TNRC6C: variants seen among roughly 807,000 people sequenced by gnomAD.
The protein encoded by TNRC6C is trinucleotide repeat containing adaptor 6C, also known as trinucleotide repeat-containing gene 6C protein.
In TNRC6C, 20 loss-of-function variants were observed where a neutral mutation model predicts 153.7. That is an observed-to-expected ratio of 0.13 (90% confidence interval 0.09 to 0.19). TNRC6C has a LOEUF of 0.19. Ranked by LOEUF, TNRC6C falls within the 10% of genes least tolerant of loss-of-function variation. The pLI, the probability that TNRC6C is intolerant of heterozygous loss-of-function variation, is 1.00. For synonymous variants in TNRC6C, 811 were observed against 841.4 expected, an observed-to-expected ratio of 0.96 and a Z score of 0.63; for missense variants, 1,987 against 2,172.0, an observed-to-expected ratio of 0.91 and a Z score of 1.69.
chr17:78,108,687 A>G, exon 20 of TNRC6C: 1 of 154,538 alleles, frequency 6.5e-6, no homozygotes, highest in Middle Eastern at 5.4e-4. Flanking sequence ...CCACGCAAAG[A>G]CCTCGTGGGC....
intron 14 of TNRC6C, among the ~76,000 whole-genome samples, chr17:78,091,914 C>T (rs1422700434): frequency 2.0e-5 from 3 of 152,090 alleles, no homozygotes; most frequent in Non-Finnish European, 4.4e-5. Flanking sequence ...AAACTTGAGT[C>T]TGCTGAAATG....
chr17:78,093,123 A>G (rs753490243), exon 15 of TNRC6C: 1 of 1,612,296 alleles, frequency 6.2e-7, no homozygotes, highest in Non-Finnish European at 8.5e-7. Context: ...ACTGGCCCCC[A>G]GGTAAGACCA....
In TNRC6C at chr17:78,104,404, C is replaced by A; in HGVS notation, c.4713-81C>A. 7.1e-7 allele frequency: 1 copy of A among 1,415,214 alleles called. No individual in the cohort carries two copies. The allele number at this position is 1,415,214 out of a possible 1,614,324, so 87.7% of individuals were successfully genotyped here. A position where few individuals can be genotyped will look rare whatever the true frequency, so the allele number is the denominator to read the frequency against. On this transcript the variant is annotated intron_variant, in intron 19 of 19. Transcript: ENST00000301624. This position sits in a 1 kb window ranked among gnomAD's most constrained non-coding sequence, Gnocchi z 6.2. ...AGGATGGCTTCCATGTGGGGCCGTT[C>A]CCAATACAGAGAAAGCCAGTGCCAC...
intron 1 of TNRC6C, among the ~76,000 whole-genome samples, chr17:77,963,123 T>G (rs1481027942): frequency 6.6e-6 from 1 of 152,232 alleles, no homozygotes; most frequent in East Asian, 1.9e-4. Flanking sequence ...TAAATAGACT[T>G]TAATGCAGTG....
upstream of TNRC6C, among the ~76,000 whole-genome samples, chr17:78,002,452 C>T (rs1208690136): frequency 6.6e-6 from 1 of 152,344 alleles, no homozygotes; most frequent in South Asian, 2.1e-4. Flanking sequence ...CAGGCAGATG[C>T]AGATGTTCAT....
exon 6 of TNRC6C, chr17:78,071,116 C>T (rs775485544): frequency 6.2e-6 from 10 of 1,607,516 alleles, no homozygotes; most frequent in Middle Eastern, 1.7e-4. Flanking sequence ...CAGGATGAGG[C>T]CTGGATCATG....
chr17:77,996,974 C>T (rs1019559444), intron 1 of TNRC6C, among the ~76,000 whole-genome samples: 7 of 152,164 alleles, frequency 4.6e-5, no homozygotes, highest in Non-Finnish European at 1.0e-4. Flanking sequence ...AGACAGCCAA[C>T]CAAAATGAGA....
chr17:77,958,767 T>G (rs736104), upstream of TNRC6C, among the ~76,000 whole-genome samples: 1 of 149,916 alleles, frequency 6.7e-6, no homozygotes, highest in Non-Finnish European at 1.5e-5. Context: ...CCGGGAGCCG[T>G]AGCCGCCGCC....
exon 3 of TNRC6C, chr17:78,048,862 T>G: frequency 8.0e-7 from 1 of 1,243,454 alleles, no homozygotes. Flanking sequence ...TCATAGTGGA[T>G]TGGCAGATCA....
chr17:78,085,705 C>T (rs2073267196), intron 11 of TNRC6C, among the ~76,000 whole-genome samples: 1 of 152,142 alleles, frequency 6.6e-6, no homozygotes, highest in Non-Finnish European at 1.5e-5. Flanking sequence ...CTTTCATTCC[C>T]ATGATGTTAG....
chr17:78,008,799 T>C (rs746712418), intron 1 of TNRC6C: 9 of 152,222 alleles, frequency 5.9e-5, no homozygotes, highest in Non-Finnish European at 1.3e-4. Context: ...GAAATTAAAG[T>C]TCACTCGAAA....
At chr17:78,030,091 T>A (rs578086232) in intron 1 of TNRC6C, among the ~76,000 whole-genome samples, 1 of 152,310 alleles carries the variant, frequency 6.6e-6, no homozygotes, top group South Asian at 2.1e-4. Context: ...AATATAGTTA[T>A]TATGAACCAT....
chr17:77,977,165 G>C (rs1247589735), intron 1 of TNRC6C, among the ~76,000 whole-genome samples: 1 of 151,630 alleles, frequency 6.6e-6, no homozygotes, highest in Non-Finnish European at 1.5e-5. Context: ...TAAACTCCTT[G>C]AAGGCAGGAT....
At chr17:78,022,261 T>C (rs1350114719) in intron 1 of TNRC6C, among the ~76,000 whole-genome samples, 1 of 152,218 alleles carries the variant, frequency 6.6e-6, no homozygotes, top group Non-Finnish European at 1.5e-5. Flanking sequence ...TTTGACTCTT[T>C]AAAAATGAGT....
At chr17:78,092,215 C>G (rs58623832) in intron 14 of TNRC6C, among the ~76,000 whole-genome samples, 1 of 152,190 alleles carries the variant, frequency 6.6e-6, no homozygotes, top group Admixed American at 6.5e-5. Flanking sequence ...ACGTAGTTCT[C>G]TCTTGATAGG....
exon 3 of TNRC6C, chr17:78,050,973 G>A (rs765257327): frequency 2.5e-6 from 4 of 1,613,842 alleles, no homozygotes; most frequent in Non-Finnish European, 3.4e-6. Flanking sequence ...CGAGATCTGG[G>A]AACAGTGGCT....
chr17:78,091,326 C>T, intron 13 of TNRC6C, 114 bp from the exon 16 acceptor site: 1 of 1,050,526 alleles, frequency 9.5e-7, no homozygotes, highest in African/African-American at 1.9e-5. Flanking sequence ...GACTCCGTCT[C>T]AAAAAAAAAA....
chr17:78,042,749 ATGCTGGTGGTGATCATGGTGGTGG>A (rs2072323153), intron 2 of TNRC6C, among the ~76,000 whole-genome samples: 1 of 151,798 alleles, frequency 6.6e-6, no homozygotes, highest in Non-Finnish European at 1.5e-5. Context: ...GGTCATCATG[ATGCTGGTGGTGATCATGGTGGTGG>A]TGCTGATGGT....
At chr17:78,004,406 A>G (rs1333332281), upstream of TNRC6C, 5 of 1,015,420 alleles carry the variant, frequency 4.9e-6, no homozygotes, top group Non-Finnish European at 6.3e-6. Context: ...CGAATAATAG[A>G]TATCCTACTG....
Sources: allele counts gnomAD v4.1 joint callset (sites outside exome capture counted in the v4.1 genomes callset), GRCh38; gene constraint gnomAD v4.1.1; non-coding constraint Gnocchi (gnomAD v3.1); transcripts MANE v1.5; gene names NCBI Gene and HGNC (gene_info 2026-07-23, HGNC 2026-07-21).